EBF1: variants seen among roughly 807,000 people sequenced by gnomAD.
The protein encoded by EBF1 is transcription factor COE1.
Under a neutral mutation model 68.4 loss-of-function variants are expected in EBF1, and 10 were observed. The ratio of observed to expected loss-of-function variants is 0.15; its 90% CI spans 0.09 to 0.25. The LOEUF (loss-of-function observed/expected upper bound fraction) is 0.25. Ranked by LOEUF, EBF1 falls within the 10% of genes least tolerant of loss-of-function variation. EBF1 has a pLI of 1.00. For synonymous variants in EBF1, 298 were observed against 299.8 expected, an observed-to-expected ratio of 0.99 and a Z score of 0.06; for missense variants, 509 against 794.4, an observed-to-expected ratio of 0.64 and a Z score of 4.32.
chr5:159,070,986 G>A (rs560770367), intron 6 of EBF1, among the ~76,000 whole-genome samples: 3 of 152,242 alleles, frequency 2.0e-5, no homozygotes, highest in African/African-American at 7.2e-5. Flanking sequence ...CAATTTTATG[G>A]AATTGAAAAA....
At chr5:158,820,397 T>C (rs1244620032) in intron 8 of EBF1, among the ~76,000 whole-genome samples, 1 of 152,168 alleles carries the variant, frequency 6.6e-6, no homozygotes, top group Admixed American at 6.5e-5. Context: ...TGAATTAGCA[T>C]CTAGGTCCAC....
At chr5:159,035,250 C>T (rs1373254953) in intron 6 of EBF1, among the ~76,000 whole-genome samples, 1 of 152,052 alleles carries the variant, frequency 6.6e-6, no homozygotes, top group Admixed American at 6.5e-5. Flanking sequence ...AGAAGGGAAA[C>T]ATCTCTAAAT....
intron 6 of EBF1, among the ~76,000 whole-genome samples, chr5:158,990,827 T>C (rs1453131375): frequency 6.6e-6 from 1 of 152,240 alleles, no homozygotes. Flanking sequence ...TCGAGGCTCT[T>C]TACTCTCTTA....
At chr5:158,863,232 G>T (rs965088863) in intron 6 of EBF1, among the ~76,000 whole-genome samples, 4 of 151,902 alleles carry the variant, frequency 2.6e-5, no homozygotes, top group Non-Finnish European at 5.9e-5. Context: ...CCCATTCCTG[G>T]TCTAAAAAAT....
intron 10 of EBF1, among the ~76,000 whole-genome samples, chr5:158,772,646 GTTAC>G (rs1235294060): frequency 6.6e-6 from 1 of 152,114 alleles, no homozygotes; most frequent in African/African-American, 2.4e-5. Context: ...GTTGACAGGT[GTTAC>G]TTGTTTCTTT....
intron 8 of EBF1, among the ~76,000 whole-genome samples, chr5:158,797,892 ATGATTCGTGACT>A (rs1212010431): frequency 2.6e-5 from 4 of 152,188 alleles, no homozygotes; most frequent in African/African-American, 4.8e-5. Context: ...GAAGATGTAA[ATGATTCGTGACT>A]TGACATTTCT....
chr5:158,933,684 G>T (rs992279862), intron 6 of EBF1, among the ~76,000 whole-genome samples: 2 of 152,224 alleles, frequency 1.3e-5, no homozygotes, highest in Non-Finnish European at 1.5e-5. Flanking sequence ...TAACCTCTCT[G>T]AGCCAATGGT....
intron 6 of EBF1, among the ~76,000 whole-genome samples, chr5:159,003,958 T>C: frequency 6.6e-6 from 1 of 152,138 alleles, no homozygotes; most frequent in East Asian, 1.9e-4. Context: ...TCAAGGAAAA[T>C]GGCAATCATC....
chr5:158,803,672 C>T (rs926419029), intron 8 of EBF1, among the ~76,000 whole-genome samples: 4 of 151,452 alleles, frequency 2.6e-5, no homozygotes, highest in Non-Finnish European at 5.9e-5. Flanking sequence ...TAAACTCAGC[C>T]AATAAACAAA....
Position 158,796,325 on chromosome 5 carries a change from A to T in EBF1, c.909+20T>A. 1 of 1,601,658 alleles carries T rather than the reference A, an allele frequency of 6.2e-7. No homozygotes were observed. On this transcript the variant is annotated intron_variant, in intron 9 of 15. Transcript: ENST00000313708. ...CAACTAGATCAAGCTATTAGATATT[A>T]ATGTTCAGACAACACCTACCTCACT...
chr5:158,860,235 C>G (rs768946134), intron 6 of EBF1, among the ~76,000 whole-genome samples: 1 of 152,234 alleles, frequency 6.6e-6, no homozygotes, highest in Non-Finnish European at 1.5e-5. Flanking sequence ...ATGCTCACAA[C>G]AACCCTAAGA....
intron 12 of EBF1, 75 bp from the exon 13 acceptor site, chr5:158,713,222 G>C: frequency 8.0e-7 from 1 of 1,251,556 alleles, no homozygotes; most frequent in African/African-American, 1.5e-5. Context: ...TCGGTGCCAG[G>C]TACCGTGCTC....
At chr5:158,864,718 AG>A (rs1293228312) in intron 6 of EBF1, among the ~76,000 whole-genome samples, 1 of 152,234 alleles carries the variant, frequency 6.6e-6, no homozygotes, top group African/African-American at 2.4e-5. Flanking sequence ...GGAGAAGAGA[AG>A]ATCTTGGAAA....
chr5:158,819,026 G>A (rs546409572), intron 8 of EBF1, among the ~76,000 whole-genome samples: 76 of 151,796 alleles, frequency 5.0e-4, no homozygotes, highest in Middle Eastern at 3.4e-3. Flanking sequence ...GCTCTAGAAC[G>A]TGCTCACATT....
chr5:158,986,231 G>A (rs184449210), intron 6 of EBF1: 7 of 152,362 alleles, frequency 4.6e-5, no homozygotes, highest in Admixed American at 3.9e-4. Flanking sequence ...CTGCAACAAC[G>A]GGTGCTGCTC....
intron 11 of EBF1, among the ~76,000 whole-genome samples, chr5:158,725,258 C>G (rs989028175): frequency 2.0e-5 from 3 of 152,164 alleles, no homozygotes; most frequent in Admixed American, 2.0e-4. Context: ...ATTCAATGTG[C>G]TTTTGGAGAC....
At chr5:158,806,590 C>T (rs556732352) in intron 8 of EBF1, among the ~76,000 whole-genome samples, 1 of 152,254 alleles carries the variant, frequency 6.6e-6, no homozygotes, top group African/African-American at 2.4e-5. Flanking sequence ...TTAAGTAGTA[C>T]CCTTAACTGA....
At chr5:158,899,744 A>T (rs1562251514) in intron 6 of EBF1, among the ~76,000 whole-genome samples, 2 of 152,282 alleles carry the variant, frequency 1.3e-5, no homozygotes, top group South Asian at 2.1e-4. Flanking sequence ...ATTTAGACCG[A>T]AGGAAAATGA....
intron 8 of EBF1, among the ~76,000 whole-genome samples, chr5:158,822,908 C>T (rs531065344): frequency 1.3e-5 from 2 of 152,306 alleles, no homozygotes; most frequent in East Asian, 3.9e-4. Context: ...TCCAGGCCTC[C>T]TTCTTTCTCT....
Sources: gnomAD v4.1 joint callset for allele counts (sites outside exome capture counted in the v4.1 genomes callset) on GRCh38, gnomAD v4.1.1 for gene constraint, MANE v1.5 for transcripts, NCBI Gene and HGNC (gene_info 2026-07-23, HGNC 2026-07-21) for gene names.